Variants in USP24 observed in about 807,000 individuals in gnomAD.
The protein encoded by USP24 is ubiquitin specific peptidase 24, also known as ubiquitin carboxyl-terminal hydrolase 24.
USP24 carries 97 observed loss-of-function variants against 361.6 expected under a neutral mutation model. The observed-to-expected ratio is 0.27, with a 90% CI of 0.23 to 0.32. The LOEUF is 0.32. USP24 is among the 10% of genes least tolerant of loss of function. The pLI, the probability that USP24 is intolerant of heterozygous loss-of-function variation, is 1.00. For synonymous variants in USP24, 1,098 were observed against 1,124.6 expected (o/e 0.98, Z 0.47); for missense variants, 2,353 against 3,165.6 (o/e 0.74, Z 6.16).
chr1:55,147,623 T>G, intron 18 of USP24, 26 bp downstream of exon 18: 1 of 1,561,108 alleles, frequency 6.4e-7, no homozygotes, highest in Non-Finnish European at 8.6e-7. Context: ...TTGTAAATCA[T>G]GAAGCAAAAA....
Position 55,083,860 on chromosome 1 carries a change from A to G in USP24, c.6794T>C (p.Val2265Ala). ...KLKSLHQLLE[V>A]LLALLDKDVP... ...GTCTTTGTCCAACAGAGCAAGTAGTACCTCCAGTAACTGATGAAGGCTTTT... is the reference window on the plus strand; with the variant it reads ...GTCTTTGTCCAACAGAGCAAGTAGTGCCTCCAGTAACTGATGAAGGCTTTT... The change falls in exon 57 of 68, where the codon GTA becomes GCA. Residue 2265 changes from valine to alanine, a missense_variant. Physicochemically the swap from Val to Ala is moderately conservative, Grantham distance 64. Coordinates refer to ENST00000294383, the MANE Select transcript of USP24 (RefSeq NM_015306.3). 6.2e-7 allele frequency: 1 copy of G among 1,601,426 alleles called. No homozygotes were observed. Among genetic ancestry groups the G allele is most frequent in the South Asian group, 1.1e-5 (1 of 88,310 alleles).
intron 50 of USP24, among the ~76,000 whole-genome samples, 171 bp from the exon 51 acceptor site, chr1:55,095,567 G>A (rs1027974331): frequency 1.3e-5 from 2 of 152,198 alleles, no homozygotes; most frequent in Admixed American, 6.5e-5. Context: ...TAGCATGGAA[G>A]TCAGGATACT....
intron 16 of USP24, among the ~76,000 whole-genome samples, chr1:55,153,454 C>T (rs1292007258): frequency 2.6e-5 from 4 of 152,138 alleles, no homozygotes; most frequent in African/African-American, 4.8e-5. Flanking sequence ...TATGTGCAAT[C>T]GATGACTGAA....
Position 55,098,482 on chromosome 1 carries a change from G to A in USP24, c.5447C>T (p.Pro1816Leu). Reference protein sequence around the residue: ...YSDQKICKDCPHRYEREEAFM... With the variant: ...YSDQKICKDCLHRYEREEAFM... ...CGGTGATATCTTCACTCACCTGTGA[G>A]GACAGTCTTTACAGATCTTCTGATC... The change falls in exon 46 of 68, where the codon CCT (proline) becomes CTT (leucine). Residue 1816 changes from proline to leucine, a missense_variant. This residue lies in a region of USP24 where 105 missense variants were observed against 200.3 expected (regional missense o/e 0.52). Coordinates refer to ENST00000294383, the MANE Select transcript of USP24 (RefSeq NM_015306.3). The A allele has an allele frequency of 6.2e-7, 1 of 1,611,500 alleles. No homozygotes were observed. Among genetic ancestry groups the A allele is most frequent in the Non-Finnish European group, 8.5e-7 (1 of 1,178,308 alleles).
intron 54 of USP24, among the ~76,000 whole-genome samples, chr1:55,091,253 A>C (rs1041791100): frequency 6.6e-6 from 1 of 152,158 alleles, no homozygotes; most frequent in South Asian, 2.1e-4. Context: ...TGAGCATTAC[A>C]GCCTGAGCTC....
chr1:55,079,505 GA>G (rs763665310), intron 60 of USP24, 32 bp downstream of exon 60: 11 of 1,553,588 alleles, frequency 7.1e-6, no homozygotes, highest in South Asian at 2.6e-5. Flanking sequence ...AAACAGGAGG[GA>G]AAAAAATGGC....
Position 55,215,287 on chromosome 1 carries a change from G to A in USP24, c.-174C>T, listed in dbSNP as rs987071853. Among the ~76,000 whole-genome samples, 7 of 151,850 alleles carry A rather than the reference G, an allele frequency of 4.6e-5. No individual in the cohort carries two copies. Among genetic ancestry groups the A allele is most frequent in the African/African-American group, 1.7e-4 (7 of 41,484 alleles). Reference sequence around the variant, plus strand: ...GGCTGGGTGCGGGCTTGGGTCCTGCGAGCCGAGCTAGTGCGGTGAGGCGCT... The same window carrying A: ...GGCTGGGTGCGGGCTTGGGTCCTGCAAGCCGAGCTAGTGCGGTGAGGCGCT... On this transcript the variant is annotated 5_prime_UTR_variant, in exon 1 of 68. Transcript: ENST00000294383.
Position 55,078,475 on chromosome 1 carries a change from G to C in USP24, c.7314+63C>G, listed in dbSNP as rs966893110. On this transcript the variant is annotated intron_variant, in intron 61 of 67. Coordinates refer to ENST00000294383, the MANE Select transcript of USP24 (RefSeq NM_015306.3). ...CAAGCATACTGCCTTGGAGCAAAAA[G>C]ATGCTCTCCTAGAGTCTCACTTAAA... 20 of 1,337,416 alleles carry C rather than the reference G, an allele frequency of 1.5e-5. No individual in the cohort carries two copies. In the Admixed American group the frequency reaches 4.9e-4, roughly 33 times the overall value. The allele number at this position is 1,337,416 out of a possible 1,614,324, so 82.8% of individuals were successfully genotyped here.
At chr1:55,158,583 A>G (rs1157522460) in intron 10 of USP24, among the ~76,000 whole-genome samples, 1 of 152,234 alleles carries the variant, frequency 6.6e-6, no homozygotes, top group African/African-American at 2.4e-5. Context: ...AACAAAACCA[A>G]CTGTACCCTT....
chr1:55,192,016 C>T (rs1644302600), intron 1 of USP24, among the ~76,000 whole-genome samples: 3 of 152,114 alleles, frequency 2.0e-5, no homozygotes, highest in Admixed American at 6.5e-5. Context: ...GTTTGAAAAA[C>T]GCAAATGAAC....
chr1:55,151,793 C>T, intron 16 of USP24: 1 of 710,662 alleles, frequency 1.4e-6, no homozygotes, highest in East Asian at 1.3e-4. Flanking sequence ...AATTTCTGAA[C>T]ACAACAGTGG....
intron 38 of USP24, among the ~76,000 whole-genome samples, chr1:55,120,207 A>C (rs954149349): frequency 2.0e-5 from 3 of 152,228 alleles, no homozygotes; most frequent in Non-Finnish European, 4.4e-5. Context: ...AAGGCAAGCT[A>C]GGAGGATACC....
At chr1:55,176,802 T>C (rs976264892) in intron 2 of USP24, among the ~76,000 whole-genome samples, 2 of 152,138 alleles carry the variant, frequency 1.3e-5, no homozygotes, top group Non-Finnish European at 2.9e-5. Flanking sequence ...GCCATTATTA[T>C]TTCCCTAAAA....
In USP24 at chr1:55,144,127, C is replaced by A; in HGVS notation, c.2439G>T (p.Leu813Phe). 6.2e-7 allele frequency: 1 copy of A among 1,601,556 alleles called. No homozygotes were observed. Among genetic ancestry groups the A allele is most frequent in the South Asian group, 1.1e-5 (1 of 88,188 alleles). ...CTAGATTTGAGAATAACGTACTTAC[C>A]AACTGAGCTCCTTGTCTTTTCAATC... ...DHRLKRQGAQ[L>F]YVEKLELIGM... Residue 813 changes from leucine (L) to phenylalanine (F), a missense_variant and splice_region_variant, in exon 21 of 68, where the codon TTG becomes TTT. Coordinates refer to ENST00000294383, the MANE Select transcript of USP24 (RefSeq NM_015306.3).
At chr1:55,121,317 A>T (rs1243274624) in intron 37 of USP24, 119 bp downstream of exon 37, 3 of 826,858 alleles carry the variant, frequency 3.6e-6, no homozygotes, top group Non-Finnish European at 5.6e-6. Flanking sequence ...GCCCCTTCGT[A>T]CACTCCCTGA....
intron 36 of USP24, among the ~76,000 whole-genome samples, chr1:55,122,870 C>A (rs901559682): frequency 6.6e-6 from 1 of 152,098 alleles, no homozygotes; most frequent in Non-Finnish European, 1.5e-5. Context: ...CAACTGGAGA[C>A]ATCAGGACAG....
At chr1:55,202,004 A>G (rs1049106721) in intron 1 of USP24, among the ~76,000 whole-genome samples, 1 of 152,184 alleles carries the variant, frequency 6.6e-6, no homozygotes, top group Non-Finnish European at 1.5e-5. Context: ...CACTATGGCA[A>G]GAGGTGAGAG....
chr1:55,094,917 C>G (rs556866145), intron 51 of USP24, among the ~76,000 whole-genome samples: 1 of 152,008 alleles, frequency 6.6e-6, no homozygotes, highest in Non-Finnish European at 1.5e-5. Context: ...GTGGAAGGAT[C>G]GCTTCAGCCT....
intron 1 of USP24, among the ~76,000 whole-genome samples, chr1:55,180,531 G>GCA (rs1553167887): frequency 6.6e-6 from 1 of 152,170 alleles, no homozygotes; most frequent in East Asian, 1.9e-4. Context: ...GAGGTTCTCA[G>GCA]TATCATGGAG....
Sources: gnomAD v4.1 joint callset for allele counts (sites outside exome capture counted in the v4.1 genomes callset) on GRCh38, gnomAD v4.1.1 for gene constraint, gnomAD v4.1.1 regional missense constraint, MANE v1.5 for transcripts, NCBI Gene and HGNC (gene_info 2026-07-23, HGNC 2026-07-21) for gene names.